ANKDD1B: variants seen among roughly 807,000 people sequenced by gnomAD.
The protein encoded by ANKDD1B is ankyrin repeat and death domain-containing protein 1B.
ANKDD1B carries 57 observed loss-of-function variants against 59.7 expected under a neutral mutation model. The observed-to-expected ratio is 0.95, with a 90% CI of 0.77 to 1.19. The LOEUF is 1.19. Among genes scored for constraint, ANKDD1B ranks in the 50% most tolerant of loss-of-function variants. The pLI is 0.00. For synonymous variants in ANKDD1B, 216 were observed against 239.5 expected, an observed-to-expected ratio of 0.90 and a Z score of 0.91; for missense variants, 602 against 641.9, an observed-to-expected ratio of 0.94 and a Z score of 0.67.
At chr5:75,619,033 A>C (rs959416682) in intron 2 of ANKDD1B, among the ~76,000 whole-genome samples, 1 of 152,248 alleles carries the variant, frequency 6.6e-6, no homozygotes, top group Non-Finnish European at 1.5e-5. Context: ...GGCATGAGCC[A>C]CCATGCCCAG....
intron 7 of ANKDD1B, among the ~76,000 whole-genome samples, chr5:75,643,744 T>G (rs253399): frequency 9.5e-3 from 211 of 22,160 alleles, no homozygotes; most frequent in African/African-American, 0.012. Context: ...GAAATACAGA[T>G]AACACCACAA....
chr5:75,667,203 A>C (rs1479920547), intron 12 of ANKDD1B, among the ~76,000 whole-genome samples: 1 of 152,232 alleles, frequency 6.6e-6, no homozygotes, highest in African/African-American at 2.4e-5. Flanking sequence ...TCTGCAGTAA[A>C]CCGAAGTTTG....
chr5:75,663,559 G>C, intron 11 of ANKDD1B, 70 bp downstream of exon 11: 1 of 1,234,270 alleles, frequency 8.1e-7, no homozygotes, highest in South Asian at 1.3e-5. Flanking sequence ...GGGGCAATGG[G>C]GGGGTCTGTG....
At chr5:75,626,655 C>T (rs1326931577) in intron 5 of ANKDD1B, among the ~76,000 whole-genome samples, 3 of 152,170 alleles carry the variant, frequency 2.0e-5, no homozygotes, top group African/African-American at 7.2e-5. Context: ...AAAGTGAGAG[C>T]CAGGACTTGA....
chr5:75,656,994 C>T (rs547676089), intron 9 of ANKDD1B, among the ~76,000 whole-genome samples: 3 of 152,364 alleles, frequency 2.0e-5, no homozygotes, highest in South Asian at 2.1e-4. Flanking sequence ...ACCTGTACTT[C>T]GGTCCCTTCT....
chr5:75,611,887 C>CTT (rs1167138327), intron 1 of ANKDD1B, 60 bp downstream of exon 1: 1 of 1,208,234 alleles, frequency 8.3e-7, no homozygotes, highest in Non-Finnish European at 1.0e-6. Context: ...GTCGAAGGGA[C>CTT]TTGAGAAGGT....
intron 7 of ANKDD1B, among the ~76,000 whole-genome samples, chr5:75,641,646 A>T (rs1005642884): frequency 1.1e-4 from 17 of 152,332 alleles, no homozygotes; most frequent in Admixed American, 2.6e-4. Flanking sequence ...AGAGATCTTT[A>T]TATCCACACA....
chr5:75,655,364 A>G (rs994748609), intron 8 of ANKDD1B, among the ~76,000 whole-genome samples: 1 of 152,148 alleles, frequency 6.6e-6, no homozygotes, highest in Admixed American at 6.5e-5. Context: ...GAGCATGAGG[A>G]TGGTGCCCCT....
chr5:75,669,206 T>C lies in ANKDD1B; in HGVS notation c.1394-46T>C, dbSNP rs566406741. 140 of 1,231,318 alleles carry C rather than the reference T, an allele frequency of 1.1e-4. No homozygotes were observed. In the Admixed American group the frequency reaches 2.4e-3, roughly 21 times the overall value. The allele number at this position is 1,231,318 out of a possible 1,614,324, so 76.3% of individuals were successfully genotyped here. A position where few individuals can be genotyped will look rare whatever the true frequency, so the allele number is the denominator to read the frequency against. ...GAACTGAGATCACAATGGAAAGAGA[T>C]AGCAGCTCGTGGTGTTTTACCTCGG... On this transcript the variant is annotated intron_variant, in intron 12 of 13. Coordinates refer to ENST00000601380, the MANE Select transcript of ANKDD1B (RefSeq NM_001276713.2).
At chr5:75,635,059 G>T (rs1018172027) in intron 6 of ANKDD1B, 63 bp downstream of exon 6, 1 of 1,090,436 alleles carries the variant, frequency 9.2e-7, no homozygotes, top group South Asian at 1.4e-5. Context: ...TTGATGTAGA[G>T]GGGTAACAAT....
chr5:75,626,369 C>T (rs527673806), intron 5 of ANKDD1B, among the ~76,000 whole-genome samples: 12 of 152,248 alleles, frequency 7.9e-5, no homozygotes, highest in Admixed American at 6.5e-4. Context: ...TGTCAATATT[C>T]CTTTTCTTTA....
chr5:75,651,113 G>A (rs1015969742), intron 7 of ANKDD1B, among the ~76,000 whole-genome samples: 2 of 152,208 alleles, frequency 1.3e-5, no homozygotes, highest in African/African-American at 2.4e-5. Flanking sequence ...TGGCACGCTG[G>A]AATTTCTGCC....
At chr5:75,628,259 T>A (rs1191919961) in intron 5 of ANKDD1B, among the ~76,000 whole-genome samples, 1 of 152,150 alleles carries the variant, frequency 6.6e-6, no homozygotes, top group African/African-American at 2.4e-5. Flanking sequence ...AGGACAGAAT[T>A]CCAGTTTTGC....
intron 5 of ANKDD1B, 181 bp from the exon 6 acceptor site, chr5:75,634,717 C>T (rs1487039833): frequency 1.9e-5 from 10 of 532,870 alleles, no homozygotes; most frequent in Non-Finnish European, 3.4e-5. Context: ...GAGTCTCCCA[C>T]AGTTTTGAGT....
In ANKDD1B at chr5:75,663,397, G is replaced by A. The variant is rs1041824330; in HGVS notation, c.1099G>A (p.Gly367Arg). 7 of 1,535,878 alleles carry A rather than the reference G, an allele frequency of 4.6e-6. No individual in the cohort carries two copies. Among genetic ancestry groups the A allele is most frequent in the Non-Finnish European group, 6.1e-6 (7 of 1,146,756 alleles). The change falls in exon 11 of 14, where the codon GGA (glycine) becomes AGA (arginine). Residue 367 changes from glycine (G) to arginine (R), a missense_variant. Around this residue, in one of 3 missense-constraint regions of ANKDD1B, gnomAD observed 280 missense variants for 319.8 expected, o/e 0.88. Transcript: ENST00000601380. ...TTTTTTTCTTTTTTAATTTTAGCAA[G>A]GAAAGACTGCCCTGGCTGTGGCCTC... ...GCDLKAVDKQGKTALAVASRS... is the reference protein window; with the variant it reads ...GCDLKAVDKQRKTALAVASRS...
Position 75,671,269 on chromosome 5 carries a change from A to G in ANKDD1B, c.*229A>G, listed in dbSNP as rs574048971. 3.1e-6 allele frequency: 1 copy of G among 326,666 alleles called. No individual in the cohort carries two copies. The highest frequency in any genetic ancestry group is 1.6e-4 in the South Asian group (1 of 6,406). 20.2% of individuals were successfully genotyped at this position (326,666 alleles called of 1,614,324 possible). ...GTATGTGATTTTCCCATTTCTATCA[A>G]TCATTTGATGTAATCCATGTAATAA... On this transcript the variant is annotated 3_prime_UTR_variant, in exon 14 of 14. Coordinates refer to ENST00000601380, the MANE Select transcript of ANKDD1B (RefSeq NM_001276713.2).
intron 5 of ANKDD1B, among the ~76,000 whole-genome samples, chr5:75,630,168 A>G (rs1202369879): frequency 6.6e-6 from 1 of 152,118 alleles, no homozygotes; most frequent in Non-Finnish European, 1.5e-5. Context: ...ATAGAGGCCT[A>G]TTTGAATGTG....
In ANKDD1B at chr5:75,653,152, G is replaced by A; in HGVS notation, c.809G>A (p.Ser270Asn). The change falls in exon 8 of 14, where the codon AGT becomes AAT. Residue 270 changes from serine (S) to asparagine (N), a missense_variant. Physicochemically the swap from Ser to Asn is conservative, Grantham distance 46. Coordinates refer to ENST00000601380, the MANE Select transcript of ANKDD1B (RefSeq NM_001276713.2). ...DINEMNELNI[S>N]SLQIATRNGH... ...TATTGTCTCTTGCAGCTCAATATCA[G>A]TAGTTTGCAGATAGCAACCAGGAAC... is the stretch of plus-strand genomic sequence containing the variant. 6.5e-7 allele frequency: 1 copy of A among 1,535,536 alleles called. No individual in the cohort carries two copies.
In ANKDD1B at chr5:75,611,646, C is replaced by T; in HGVS notation, c.12C>T (p.Ala4=). 8.1e-7 allele frequency: 1 copy of T among 1,231,274 alleles called. No individual in the cohort carries two copies. Among genetic ancestry groups the T allele is most frequent in the Non-Finnish European group, 1.0e-6 (1 of 987,750 alleles). 76.3% of individuals were successfully genotyped at this position (1,231,274 alleles called of 1,614,324 possible). The change falls in exon 1 of 14, where the codon GCC becomes GCT. Residue 4 remains alanine, a synonymous_variant. Transcript: ENST00000601380. ...CCGCGGAGGAGACTATGGACCCCGCCGGGCGCGCCCGGGGCCAAGGGGCCA... is the reference window on the plus strand; with the variant it reads ...CCGCGGAGGAGACTATGGACCCCGCTGGGCGCGCCCGGGGCCAAGGGGCCA... MDP[A]GRARGQGATA... is the part of the protein sequence containing the mutation.
Sources: allele counts gnomAD v4.1 joint callset (sites outside exome capture counted in the v4.1 genomes callset), GRCh38; gene constraint gnomAD v4.1.1; regional missense constraint gnomAD v4.1.1; transcripts MANE v1.5; gene names NCBI Gene and HGNC (gene_info 2026-07-23, HGNC 2026-07-21).